MS4A4E: variants seen among roughly 807,000 people sequenced by gnomAD.
MS4A4E encodes membrane spanning 4-domains A4E, also known as putative membrane-spanning 4-domains subfamily A member 4E.
MS4A4E carries 23 observed loss-of-function variants against 13.3 expected under a neutral mutation model. The ratio of observed to expected loss-of-function variants is 1.73; its 90% CI spans 1.25 to 2.45. MS4A4E has a LOEUF of 2.45. Ranked by LOEUF, MS4A4E falls within the 30% of genes most tolerant of loss-of-function variation. MS4A4E has a pLI of 0.00. For synonymous variants in MS4A4E, 36 were observed against 45.6 expected, an observed-to-expected ratio of 0.79 and a Z score of 0.85; for missense variants, 144 against 131.2, an observed-to-expected ratio of 1.10 and a Z score of -0.48.
chr11:60,230,020 T>C lies in MS4A4E; in HGVS notation c.36A>G (p.Pro12=). The C allele has an allele frequency of 6.2e-7, 1 of 1,612,436 alleles. No homozygotes were observed. Among genetic ancestry groups the C allele is most frequent in the Non-Finnish European group, 8.5e-7 (1 of 1,179,198 alleles). Residue 12 remains proline (P), a synonymous_variant, in exon 2 of 9, where the codon CCA becomes CCG. Transcript: ENST00000651255. ...TTMQGMEQTT[P]GAGPDVPQLG... ...GCTGGGGCACATCAGGGCCAGCCCCTGGAGTGGTCTGTTCCATTCCTTGCA... is the reference window on the plus strand; with the variant it reads ...GCTGGGGCACATCAGGGCCAGCCCCCGGAGTGGTCTGTTCCATTCCTTGCA...
At chr11:60,217,401 C>A (rs1406514089) in intron 3 of MS4A4E, among the ~76,000 whole-genome samples, 1 of 151,316 alleles carries the variant, frequency 6.6e-6, no homozygotes, top group Non-Finnish European at 1.5e-5. Context: ...AGCTTGTAAA[C>A]TCTCAGGAGC....
rs373361940 is a variant in MS4A4E at position 60,201,743 on chromosome 11, C to T, written c.796G>A (p.Val266Ile). The change falls in exon 9 of 9, where the codon GTC becomes ATC. Residue 266 changes from valine to isoleucine, a missense_variant. Around this residue, in one of 3 missense-constraint regions of MS4A4E, gnomAD observed 21 missense variants for 25.1 expected, o/e 0.84. Coordinates refer to ENST00000651255, the MANE Select transcript of MS4A4E (RefSeq NM_001393391.1). ...GCAGAGACGCTCCTCACTTCCCAGA[C>T]GGGGTGGCGGCCGGGCAGAGGCTGC... Reference protein sequence around the residue: ...RVQPLPGRHPVWEVRSVSAWP... With the variant: ...RVQPLPGRHPIWEVRSVSAWP... The T allele has an allele frequency of 7.4e-5, 17 of 230,264 alleles. No homozygotes were observed. The highest frequency in any genetic ancestry group is 2.3e-4 in the South Asian group (6 of 25,712). The allele number at this position is 230,264 out of a possible 1,614,324, so 14.3% of individuals were successfully genotyped here. A position where few individuals can be genotyped will look rare whatever the true frequency, so the allele number is the denominator to read the frequency against.
intron 3 of MS4A4E, among the ~76,000 whole-genome samples, chr11:60,228,282 A>G (rs1348706975): frequency 1.3e-5 from 2 of 152,230 alleles, no homozygotes; most frequent in Non-Finnish European, 2.9e-5. Context: ...AATGTGTCAA[A>G]AACTTTAATA....
At chr11:60,238,358 ATTTTGTATTTCTTCTTAT>A (rs1000301308) in intron 1 of MS4A4E, among the ~76,000 whole-genome samples, 9 of 151,764 alleles carry the variant, frequency 5.9e-5, no homozygotes, top group African/African-American at 2.2e-4. Flanking sequence ...ATCTATTCAG[ATTTTGTATTTCTTCTTAT>A]TTTTGTATTT....
At chr11:60,207,071 T>C (rs2084057158) in intron 6 of MS4A4E, among the ~76,000 whole-genome samples, 1 of 152,184 alleles carries the variant, frequency 6.6e-6, no homozygotes, top group Non-Finnish European at 1.5e-5. Flanking sequence ...AGGTTGTTCA[T>C]GCTGATGACA....
chr11:60,226,334 A>T (rs538462170), intron 3 of MS4A4E, among the ~76,000 whole-genome samples: 3 of 152,152 alleles, frequency 2.0e-5, no homozygotes, highest in Non-Finnish European at 2.9e-5. Context: ...ACATTACAAG[A>T]AAAGAAAACT....
chr11:60,210,704 G>T (rs2084109777), intron 5 of MS4A4E, among the ~76,000 whole-genome samples: 1 of 151,920 alleles, frequency 6.6e-6, no homozygotes, highest in Non-Finnish European at 1.5e-5. Context: ...CTACCAGGGT[G>T]CCAACCCTGT....
chr11:60,217,775 A>G (rs1039103590), intron 3 of MS4A4E, among the ~76,000 whole-genome samples: 2 of 152,142 alleles, frequency 1.3e-5, no homozygotes, highest in Non-Finnish European at 2.9e-5. Context: ...CTTTACTTTC[A>G]TCTCTTAATC....
Position 60,241,982 on chromosome 11 carries a change from T to C in MS4A4E, c.-17+976A>G, listed in dbSNP as rs530125276. 9.8e-5 allele frequency among the ~76,000 whole-genome samples: 15 copies of C among 152,314 alleles called. No individual in the cohort carries two copies. In the South Asian group the frequency reaches 3.1e-3, roughly 32 times the overall value. The stretch of plus-strand genomic sequence containing the variant: ...ACCAGCAGTCTCTTGTTTCCTCATT[T>C]TTATGTCACCATCCCCCTTATGGGT... On this transcript the variant is annotated intron_variant, in intron 1 of 8. Coordinates refer to ENST00000651255, the MANE Select transcript of MS4A4E (RefSeq NM_001393391.1).
chr11:60,203,755 T>C (rs1039801387), intron 8 of MS4A4E, among the ~76,000 whole-genome samples: 1 of 152,084 alleles, frequency 6.6e-6, no homozygotes, highest in Non-Finnish European at 1.5e-5. Flanking sequence ...TCTCAAAAAT[T>C]AGATAAATAA....
chr11:60,208,483 A>C (rs1393629957), intron 6 of MS4A4E, 110 bp downstream of exon 6: 1 of 331,728 alleles, frequency 3.0e-6, no homozygotes, highest in Non-Finnish European at 5.6e-6. Flanking sequence ...TGATCCATGG[A>C]AACTGAAATA....
In MS4A4E at chr11:60,214,624, T is replaced by C. The variant is rs2084167345; in HGVS notation, c.179-10A>G. ...GCAACTGATAAGGATACTGAAATAATAAAATAAGAATGAGAGAAAAAAATG... is the reference window on the plus strand; with the variant it reads ...GCAACTGATAAGGATACTGAAATAACAAAATAAGAATGAGAGAAAAAAATG... On this transcript the variant is annotated splice_polypyrimidine_tract_variant and intron_variant, in intron 3 of 8. Transcript: ENST00000651255. The C allele has an allele frequency of 2.0e-6, 3 of 1,509,882 alleles. No individual in the cohort carries two copies. The African/African-American group carries it at 4.2e-5, about 21-fold the overall frequency. The allele number at this position is 1,509,882 out of a possible 1,614,324, so 93.5% of individuals were successfully genotyped here.
intron 3 of MS4A4E, among the ~76,000 whole-genome samples, chr11:60,217,000 C>T (rs1358621806): frequency 1.3e-5 from 2 of 152,164 alleles, no homozygotes; most frequent in African/African-American, 4.8e-5. Context: ...CTGACTAATA[C>T]AGATTTTGGT....
chr11:60,226,551 C>G (rs1030129642), intron 3 of MS4A4E, among the ~76,000 whole-genome samples: 3 of 152,134 alleles, frequency 2.0e-5, no homozygotes, highest in Non-Finnish European at 2.9e-5. Context: ...ATGATTATAT[C>G]AACAGATGCA....
rs2084567968 is a variant in MS4A4E, at chr11:60,242,874, C to T, written c.-17+84G>A. 3 of 1,020,036 alleles carry T rather than the reference C, an allele frequency of 2.9e-6. No individual in the cohort carries two copies. The Admixed American group carries it at 8.0e-5, about 27-fold the overall frequency. 63.2% of individuals were successfully genotyped at this position (1,020,036 alleles called of 1,614,324 possible). On this transcript the variant is annotated intron_variant, in intron 1 of 8. Transcript: ENST00000651255. Reference sequence around the variant, plus strand: ...GGGAAGTGACCTCATTTTTTTTTCTCACTCCACTCCCAGAAATCCTAAACC... The same window carrying T: ...GGGAAGTGACCTCATTTTTTTTTCTTACTCCACTCCCAGAAATCCTAAACC...
intron 1 of MS4A4E, among the ~76,000 whole-genome samples, chr11:60,234,617 T>C (rs1169488235): frequency 1.3e-5 from 2 of 152,110 alleles, no homozygotes; most frequent in Non-Finnish European, 2.9e-5. Context: ...GTTTATGTCA[T>C]ACATGCCCTT....
At chr11:60,233,526 C>A (rs894002661) in intron 1 of MS4A4E, among the ~76,000 whole-genome samples, 1 of 152,198 alleles carries the variant, frequency 6.6e-6, no homozygotes, top group Non-Finnish European at 1.5e-5. Context: ...CCATATGCCA[C>A]AGCAGTTTTG....
chr11:60,212,787 G>A (rs1249941576), intron 5 of MS4A4E, among the ~76,000 whole-genome samples, 187 bp downstream of exon 5: 2 of 152,058 alleles, frequency 1.3e-5, no homozygotes, highest in Non-Finnish European at 2.9e-5. Context: ...CACATATAGA[G>A]GAAAAATAAA....
intron 1 of MS4A4E, among the ~76,000 whole-genome samples, chr11:60,240,689 A>T (rs1231211389): frequency 1.3e-5 from 2 of 152,132 alleles, no homozygotes; most frequent in Non-Finnish European, 2.9e-5. Flanking sequence ...TCCTATATTG[A>T]GACATTTGCA....
Sources: gnomAD v4.1 joint callset for allele counts (sites outside exome capture counted in the v4.1 genomes callset) on GRCh38, gnomAD v4.1.1 for gene constraint, gnomAD v4.1.1 regional missense constraint, MANE v1.5 for transcripts, NCBI Gene and HGNC (gene_info 2026-07-23, HGNC 2026-07-21) for gene names.